LIN52: variants seen among roughly 807,000 people sequenced by gnomAD.
The protein encoded by LIN52 is lin-52 DREAM MuvB core complex component, also known as protein lin-52 homolog.
Under a neutral mutation model 18.5 loss-of-function variants are expected in LIN52, and 4 were observed. That is an observed-to-expected ratio of 0.22 (90% CI 0.11 to 0.49). The LOEUF (loss-of-function observed/expected upper bound fraction) is 0.49. LIN52 is among the 20% of genes least tolerant of loss of function. The probability of loss-of-function intolerance (pLI) is 0.97; values close to 1 mark genes in which losing one functional copy is unlikely to be tolerated. For missense variants in LIN52, 102 were observed against 139.5 expected, an observed-to-expected ratio of 0.73 and a Z score of 1.35; for synonymous variants, 34 against 45.5, an observed-to-expected ratio of 0.75 and a Z score of 1.02.
intron 5 of LIN52, among the ~76,000 whole-genome samples, chr14:74,122,716 A>G (rs1004477909): frequency 1.3e-5 from 2 of 152,140 alleles, no homozygotes; most frequent in Non-Finnish European, 2.9e-5. Context: ...AAATATAAAA[A>G]TTAGCTGGGT....
chr14:74,195,608 A>C (rs1267473433), intron 5 of LIN52, among the ~76,000 whole-genome samples: 1 of 151,482 alleles, frequency 6.6e-6, no homozygotes, highest in Non-Finnish European at 1.5e-5. Context: ...GAATAGTAGC[A>C]GAAGGCTGTC....
chr14:74,131,915 TAG>T (rs1452203644), intron 5 of LIN52, among the ~76,000 whole-genome samples: 1 of 152,036 alleles, frequency 6.6e-6, no homozygotes, highest in Non-Finnish European at 1.5e-5. Flanking sequence ...ATCTTAGAGA[TAG>T]AGTCACAACC....
chr14:74,129,007 T>G (rs1306518470), intron 5 of LIN52, among the ~76,000 whole-genome samples: 1 of 152,186 alleles, frequency 6.6e-6, no homozygotes, highest in African/African-American at 2.4e-5. Flanking sequence ...AAGGAAAGAT[T>G]ATGCATTTAG....
intron 5 of LIN52, among the ~76,000 whole-genome samples, chr14:74,196,525 G>A (rs1022168493): frequency 4.0e-4 from 61 of 152,216 alleles, no homozygotes; most frequent in African/African-American, 1.4e-3. Context: ...CCATGTTGCA[G>A]GATCATTAGT....
intron 5 of LIN52, among the ~76,000 whole-genome samples, chr14:74,149,011 C>G (rs1364043180): frequency 1.3e-5 from 2 of 152,192 alleles, no homozygotes; most frequent in Non-Finnish European, 2.9e-5. Context: ...CACAAAAACC[C>G]TTAATTTTTA....
At chr14:74,120,354 C>T (rs147735712) in intron 5 of LIN52, among the ~76,000 whole-genome samples, 1,573 of 151,820 alleles carry the variant, frequency 0.01, 31 homozygotes, top group African/African-American at 0.036. Context: ...CGCAGTGGCT[C>T]ATACCTGTAA....
At chr14:74,149,190 G>A (rs990747943) in intron 5 of LIN52, among the ~76,000 whole-genome samples, 25 of 152,080 alleles carry the variant, frequency 1.6e-4, no homozygotes, top group Admixed American at 1.4e-3. Context: ...GGAAAGATTA[G>A]GCAGCATGGT....
chr14:74,168,599 C>T (rs1595183226), intron 5 of LIN52, among the ~76,000 whole-genome samples: 1 of 151,634 alleles, frequency 6.6e-6, no homozygotes, highest in Non-Finnish European at 1.5e-5. Context: ...ACCCAGGAGG[C>T]GGAGCTTGCA....
chr14:74,137,987 A>C (rs2061107815), intron 5 of LIN52, among the ~76,000 whole-genome samples: 1 of 152,144 alleles, frequency 6.6e-6, no homozygotes, highest in African/African-American at 2.4e-5. Context: ...TAGAATTGAT[A>C]TTTTCTCCAA....
intron 5 of LIN52, among the ~76,000 whole-genome samples, chr14:74,173,311 C>T (rs2061279316): frequency 1.3e-5 from 2 of 152,172 alleles, no homozygotes; most frequent in Admixed American, 6.5e-5. Context: ...CCTCAGCCCC[C>T]TGAATAGCTG....
intron 5 of LIN52, among the ~76,000 whole-genome samples, chr14:74,141,232 G>A (rs1388783958): frequency 6.6e-6 from 1 of 152,126 alleles, no homozygotes; most frequent in Non-Finnish European, 1.5e-5. Context: ...TAACTGCCAC[G>A]AACAGTTTCT....
intron 5 of LIN52, among the ~76,000 whole-genome samples, chr14:74,112,316 A>AT (rs1170892822): frequency 4.3e-5 from 6 of 140,414 alleles, no homozygotes; most frequent in Admixed American, 7.0e-5. Flanking sequence ...TTTTTTTTAA[A>AT]TTTTTTTTTG....
chr14:74,099,716 C>T (rs1440234691), intron 4 of LIN52, among the ~76,000 whole-genome samples: 1 of 151,694 alleles, frequency 6.6e-6, no homozygotes, highest in Non-Finnish European at 1.5e-5. Context: ...CAGTGAGTTG[C>T]TAGTGCTGAT....
At chr14:74,092,683 A>G (rs2060780822) in intron 2 of LIN52, among the ~76,000 whole-genome samples, 2 of 151,060 alleles carry the variant, frequency 1.3e-5, no homozygotes, top group Admixed American at 6.6e-5. Flanking sequence ...TTGGGAGGCC[A>G]ATGCGGGTGG....
intron 5 of LIN52, among the ~76,000 whole-genome samples, chr14:74,104,469 T>C (rs1234776350): frequency 2.0e-5 from 3 of 152,090 alleles, no homozygotes; most frequent in Non-Finnish European, 4.4e-5. Context: ...TCATTTGTTC[T>C]GTAGATTTTT....
At chr14:74,165,610 G>A (rs2061246117) in intron 5 of LIN52, among the ~76,000 whole-genome samples, 1 of 147,450 alleles carries the variant, frequency 6.8e-6, no homozygotes, top group Non-Finnish European at 1.5e-5. Context: ...CAGGGTTCAA[G>A]CGATTCTCCT....
At chr14:74,130,029 TC>T (rs1308336130) in intron 5 of LIN52, among the ~76,000 whole-genome samples, 2 of 152,114 alleles carry the variant, frequency 1.3e-5, no homozygotes, top group East Asian at 1.9e-4. Flanking sequence ...GGGAAACTCC[TC>T]CTTTTAAAAC....
At chr14:74,107,876 G>A (rs1021958339) in intron 5 of LIN52, among the ~76,000 whole-genome samples, 1 of 152,072 alleles carries the variant, frequency 6.6e-6, no homozygotes, top group Non-Finnish European at 1.5e-5. Context: ...GCTTTATTGA[G>A]ATGTAATTCA....
In LIN52 at chr14:74,091,280, C is replaced by A; in HGVS notation, c.68C>A (p.Ala23Asp). The change falls in exon 2 of 6, where the codon GCC (alanine) becomes GAC (aspartate). Residue 23 changes from alanine to aspartate, a missense_variant. Transcript: ENST00000555028. ...SLLSFEKLDR[A>D]SPDLWPEQLP... ...CTAAGTTTTGAAAAACTTGACCGTG[C>A]CTCACCAGATCTTTGGCCAGAACAA... is the stretch of plus-strand genomic sequence containing the variant. The A allele has an allele frequency of 6.2e-7, 1 of 1,610,274 alleles. No individual in the cohort carries two copies. Among genetic ancestry groups the A allele is most frequent in the Non-Finnish European group, 8.5e-7 (1 of 1,176,908 alleles).
Sources: allele counts gnomAD v4.1 joint callset (sites outside exome capture counted in the v4.1 genomes callset), GRCh38; gene constraint gnomAD v4.1.1; transcripts MANE v1.5; gene names NCBI Gene and HGNC (gene_info 2026-07-23, HGNC 2026-07-21).